Variants in TOP1 observed in about 807,000 individuals in gnomAD.
TOP1 encodes the protein DNA topoisomerase I.
Under a neutral mutation model 111.1 loss-of-function variants are expected in TOP1, and 10 were observed. The observed-to-expected ratio is 0.09, with a 90% CI of 0.06 to 0.15. The LOEUF (loss-of-function observed/expected upper bound fraction) is 0.15, where lower values mean the gene tolerates loss of function less well. TOP1 is among the 10% of genes least tolerant of loss of function. The pLI is 1.00. For synonymous variants in TOP1, 271 were observed against 302.9 expected (o/e 0.89, Z 1.10); for missense variants, 474 against 926.7 (o/e 0.51, Z 6.34).
chr20:41,114,429 A>G lies in TOP1; in HGVS notation c.1638+274A>G, dbSNP rs973480002. 8.5e-5 allele frequency among the ~76,000 whole-genome samples: 13 copies of G among 152,248 alleles called. No homozygotes were observed. The highest frequency in any genetic ancestry group is 2.9e-4 in the African/African-American group (12 of 41,470). Reference sequence around the variant, plus strand: ...AAAATAGTGAGACCTTGCCTCTCATATTAAAATAAATAAAAATAAATGACT... The same window carrying G: ...AAAATAGTGAGACCTTGCCTCTCATGTTAAAATAAATAAAAATAAATGACT... On this transcript the variant is annotated intron_variant, in intron 15 of 20. Transcript: ENST00000361337. The surrounding 1 kb of genome is among the most constrained non-coding windows in gnomAD (Gnocchi z 4.5).
Position 41,100,589 on chromosome 20 carries a change from C to G in TOP1, c.1163+346C>G, listed in dbSNP as rs540714152. On this transcript the variant is annotated intron_variant, in intron 12 of 20. Coordinates refer to ENST00000361337, the MANE Select transcript of TOP1 (RefSeq NM_003286.4). This position sits in a 1 kb window ranked among gnomAD's most constrained non-coding sequence, Gnocchi z 4.4. ...GCTATAACTTTTGCAGTCTGAGGCA[C>G]AACAGCAAAACTAGCACGACTTTCT... 35 of 201,104 alleles carry G rather than the reference C, an allele frequency of 1.7e-4. 1 individual carries two copies. The highest frequency in any genetic ancestry group is 8.0e-4 in the African/African-American group (35 of 43,518). The allele number at this position is 201,104 out of a possible 1,614,324, so 12.5% of individuals were successfully genotyped here.
At position 41,116,493 on chromosome 20, in the gene TOP1, C is replaced by A; in HGVS notation, c.1822+101C>A. 2 of 854,824 alleles carry A rather than the reference C, an allele frequency of 2.3e-6. No individual in the cohort carries two copies. The highest frequency in any genetic ancestry group is 2.4e-4 in the Middle Eastern group (1 of 4,222). 53.0% of individuals were successfully genotyped at this position (854,824 alleles called of 1,614,324 possible). ...AGTCAGTTCTACTTTTTTTCCCTAC[C>A]ATTGTGGTCAGACACTTTTTCCCTT... On this transcript the variant is annotated intron_variant, in intron 17 of 20. Transcript: ENST00000361337. This position sits in a 1 kb window ranked among gnomAD's most constrained non-coding sequence, Gnocchi z 5.6.
chr20:41,122,232 T>C lies in TOP1; in HGVS notation c.2195+77T>C. The stretch of plus-strand genomic sequence containing the variant: ...GGGGGTTCCGAGAGCACTGGTGGCC[T>C]TCACATGCCATTCCTAAGCTACACA... On this transcript the variant is annotated intron_variant, in intron 20 of 20. Transcript: ENST00000361337. The surrounding 1 kb of genome is among the most constrained non-coding windows in gnomAD (Gnocchi z 5.4). 1 of 1,465,210 alleles carries C rather than the reference T, an allele frequency of 6.8e-7. No individual in the cohort carries two copies. The highest frequency in any genetic ancestry group is 1.2e-5 in the South Asian group (1 of 82,746). The allele number at this position is 1,465,210 out of a possible 1,614,324, so 90.8% of individuals were successfully genotyped here. A position where few individuals can be genotyped will look rare whatever the true frequency, so the allele number is the denominator to read the frequency against.
At chr20:41,056,779 G>A (rs4812482) in intron 2 of TOP1, among the ~76,000 whole-genome samples, 25,001 of 152,122 alleles carry the variant, frequency 0.16, 3,140 homozygotes, top group East Asian at 0.68. Flanking sequence ...ACCGTGCTCA[G>A]CCATTCCTTT....
At chr20:41,107,236 C>T (rs1318565380) in intron 13 of TOP1, among the ~76,000 whole-genome samples, 1 of 152,180 alleles carries the variant, frequency 6.6e-6, no homozygotes. Flanking sequence ...GACTTTTAAT[C>T]TGAGGACTAA....
chr20:41,033,287 A>G (rs1316336266), intron 2 of TOP1, among the ~76,000 whole-genome samples: 3 of 151,054 alleles, frequency 2.0e-5, no homozygotes, highest in Non-Finnish European at 4.4e-5. Context: ...CAGTAGATAG[A>G]GTAAAATGGA....
chr20:41,085,955 C>G (rs982622616), intron 8 of TOP1, among the ~76,000 whole-genome samples: 2 of 152,128 alleles, frequency 1.3e-5, no homozygotes, highest in Non-Finnish European at 2.9e-5. Flanking sequence ...CTGCCTCTTT[C>G]TAGAGGTCAG....
In TOP1 at chr20:41,112,539, T is replaced by C. The variant is rs1451742931; in HGVS notation, c.1309-243T>C. Among the ~76,000 whole-genome samples, 1 of 152,260 alleles carries C rather than the reference T, an allele frequency of 6.6e-6. No individual in the cohort carries two copies. Among genetic ancestry groups the C allele is most frequent in the Non-Finnish European group, 1.5e-5 (1 of 68,050 alleles). On this transcript the variant is annotated intron_variant, in intron 13 of 20. Coordinates refer to ENST00000361337, the MANE Select transcript of TOP1 (RefSeq NM_003286.4). This position sits in a 1 kb window ranked among gnomAD's most constrained non-coding sequence, Gnocchi z 5.8. ...CTTCAGTACTATTCTTTTTTACGTTTGCTTAAGGTCAAGTTCCTGCTCTTT... is the reference window on the plus strand; with the variant it reads ...CTTCAGTACTATTCTTTTTTACGTTCGCTTAAGGTCAAGTTCCTGCTCTTT...
intron 3 of TOP1, among the ~76,000 whole-genome samples, chr20:41,074,111 C>T (rs147258746): frequency 4.6e-4 from 70 of 152,218 alleles, no homozygotes; most frequent in Middle Eastern, 3.4e-3. Context: ...CAACCTTGCT[C>T]TTTGACCATT....
chr20:41,050,024 T>C (rs184323406), intron 2 of TOP1, among the ~76,000 whole-genome samples: 28 of 152,354 alleles, frequency 1.8e-4, no homozygotes, highest in African/African-American at 6.0e-4. Flanking sequence ...TCTTTTGTTT[T>C]GTTTTATGTT....
Position 41,123,207 on chromosome 20 carries a change from G to C in TOP1, c.2208G>C (p.Trp736Cys), listed in dbSNP as rs576235416. The change falls in exon 21 of 21, where the codon TGG becomes TGC. Residue 736 changes from tryptophan to cysteine, a missense_variant. This residue lies in a region of TOP1 where 26 missense variants were observed against 81.8 expected (regional missense o/e 0.32). Coordinates refer to ENST00000361337, the MANE Select transcript of TOP1 (RefSeq NM_003286.4). This position sits in a 1 kb window ranked among gnomAD's most constrained non-coding sequence, Gnocchi z 5.8. ...CCTTTGTTTGCAGGTGCAAGAAGTG[G>C]GGTGTCCCAATTGAGAAGATTTACA... ...PRITVAWCKK[W>C]GVPIEKIYNK... The C allele has an allele frequency of 6.2e-7, 1 of 1,613,916 alleles. No individual in the cohort carries two copies. Among genetic ancestry groups the C allele is most frequent in the East Asian group, 2.2e-5 (1 of 44,876 alleles).
rs117611450 is a variant in TOP1 at position 41,109,015 on chromosome 20, A to G, written c.1309-3767A>G. Among the ~76,000 whole-genome samples the G allele has an allele frequency of 6.6e-6, 1 of 152,350 alleles. No homozygotes were observed. Among genetic ancestry groups the G allele is most frequent in the East Asian group, 1.9e-4 (1 of 5,192 alleles). On this transcript the variant is annotated intron_variant, in intron 13 of 20. Transcript: ENST00000361337. This position sits in a 1 kb window ranked among gnomAD's most constrained non-coding sequence, Gnocchi z 4.1. ...TGCAGTACAGCAAACTTTAGGATCA[A>G]TGTTGACATCGTATTGCGTTTAGTC...
intron 2 of TOP1, among the ~76,000 whole-genome samples, chr20:41,059,931 C>T (rs766378643): frequency 6.6e-6 from 1 of 152,172 alleles, no homozygotes; most frequent in Non-Finnish European, 1.5e-5. Flanking sequence ...AGATGCTTGT[C>T]ATTAAACATC....
chr20:41,087,782 A>G (rs991924512), intron 8 of TOP1, among the ~76,000 whole-genome samples: 2 of 152,244 alleles, frequency 1.3e-5, no homozygotes, highest in African/African-American at 4.8e-5. Flanking sequence ...ATCAAACAGC[A>G]CATGGAGTTT....
At chr20:41,108,242 A>G (rs1227094068) in intron 13 of TOP1, among the ~76,000 whole-genome samples, 1 of 152,182 alleles carries the variant, frequency 6.6e-6, no homozygotes, top group Admixed American at 6.5e-5. Flanking sequence ...TCTTGTGTCT[A>G]TATTTTACTT....
rs867687031 is a variant in TOP1, at chr20:41,114,353, G to C, written c.1638+198G>C. Reference sequence around the variant, plus strand: ...CACTGGAGACCAAAAGTTTGAGGCTGTAGTGTGCTGTGATCACACCTGTGA... The same window carrying C: ...CACTGGAGACCAAAAGTTTGAGGCTCTAGTGTGCTGTGATCACACCTGTGA... On this transcript the variant is annotated intron_variant, in intron 15 of 20. Transcript: ENST00000361337. The surrounding 1 kb of genome is among the most constrained non-coding windows in gnomAD (Gnocchi z 4.5). Among the ~76,000 whole-genome samples the C allele has an allele frequency of 2.0e-5, 3 of 152,368 alleles. No individual in the cohort carries two copies. Among genetic ancestry groups the C allele is most frequent in the Middle Eastern group, 6.8e-3 (2 of 294 alleles).
rs2033111657 is a variant in TOP1, at chr20:41,030,963, AG to A, written c.58+1509del. 6.6e-6 allele frequency among the ~76,000 whole-genome samples: 1 copy of A among 152,238 alleles called. No individual in the cohort carries two copies. Among genetic ancestry groups the A allele is most frequent in the Non-Finnish European group, 1.5e-5 (1 of 68,050 alleles). On this transcript the variant is annotated intron_variant, in intron 2 of 20. Transcript: ENST00000361337. This position sits in a 1 kb window ranked among gnomAD's most constrained non-coding sequence, Gnocchi z 4.1. Reference sequence around the variant, plus strand: ...CATAACACTCCCTTGCTCTCAATTCAGTCTATTGGGGGAGACATAATTAGTT... The same window carrying A: ...CATAACACTCCCTTGCTCTCAATTCATCTATTGGGGGAGACATAATTAGTT...
At position 41,102,088 on chromosome 20, in the gene TOP1, A is replaced by C. The variant is rs114255246; in HGVS notation, c.1308+735A>C. Among the ~76,000 whole-genome samples the C allele has an allele frequency of 2.0e-5, 3 of 152,204 alleles. No homozygotes were observed. Among genetic ancestry groups the C allele is most frequent in the African/African-American group, 7.2e-5 (3 of 41,462 alleles). On this transcript the variant is annotated intron_variant, in intron 13 of 20. Transcript: ENST00000361337. The surrounding 1 kb of genome is among the most constrained non-coding windows in gnomAD (Gnocchi z 4.0). ...AAAACACAGTCAAGGAATTAGTTCTATGTAGACTGTTAACTGTTTTATGTG... is the reference window on the plus strand; with the variant it reads ...AAAACACAGTCAAGGAATTAGTTCTCTGTAGACTGTTAACTGTTTTATGTG...
intron 3 of TOP1, among the ~76,000 whole-genome samples, chr20:41,063,970 A>G (rs918616651): frequency 3.4e-4 from 51 of 151,564 alleles, no homozygotes; most frequent in African/African-American, 1.1e-3. Context: ...CATCTTTGCT[A>G]TGAAATCTTT....
Sources: gnomAD v4.1 joint callset for allele counts (sites outside exome capture counted in the v4.1 genomes callset) on GRCh38, gnomAD v4.1.1 for gene constraint, gnomAD v4.1.1 regional missense constraint, Gnocchi (gnomAD v3.1) non-coding constraint, MANE v1.5 for transcripts, NCBI Gene and HGNC (gene_info 2026-07-23, HGNC 2026-07-21) for gene names.